Variants in FANCA observed in about 807,000 individuals in gnomAD.
The protein encoded by FANCA is FA complementation group A, also known as Fanconi anemia group A protein.
FANCA carries 236 observed loss-of-function variants against 194.3 expected under a neutral mutation model. That is an observed-to-expected ratio of 1.21 (90% CI 1.09 to 1.35). The LOEUF (loss-of-function observed/expected upper bound fraction) is 1.35. Among genes scored for constraint, FANCA ranks in the 40% most tolerant of loss-of-function variants. The pLI is 0.00. For synonymous variants in FANCA, 1,014 were observed against 715.8 expected, an observed-to-expected ratio of 1.42 and a Z score of -6.65; for missense variants, 2,628 against 1,813.9, an observed-to-expected ratio of 1.45 and a Z score of -8.15.
intron 28 of FANCA, among the ~76,000 whole-genome samples, chr16:89,763,933 A>AAAC (rs1382435627): frequency 1.2e-4 from 18 of 148,360 alleles, no homozygotes; most frequent in African/African-American, 3.3e-4. Flanking sequence ...AAAAAAAACA[A>AAAC]AACAACAACA....
chr16:89,788,142 G>T (rs982320677), intron 14 of FANCA, among the ~76,000 whole-genome samples: 2 of 152,132 alleles, frequency 1.3e-5, no homozygotes, highest in African/African-American at 4.8e-5. Flanking sequence ...CACAGTGCTG[G>T]TATTTGCCCT....
chr16:89,791,239 G>A, intron 14 of FANCA, 164 bp downstream of exon 14: 1 of 906,554 alleles, frequency 1.1e-6, no homozygotes, highest in Non-Finnish European at 1.7e-6. Flanking sequence ...GAGAACCCAG[G>A]CTCCTCGGCA....
At chr16:89,763,403 G>T (rs2039018099) in intron 28 of FANCA, among the ~76,000 whole-genome samples, 1 of 150,172 alleles carries the variant, frequency 6.7e-6, no homozygotes, top group African/African-American at 2.4e-5. Context: ...TGTTACCCAG[G>T]ATGGTCTCAA....
Position 89,805,388 on chromosome 16 carries a change from G to C in FANCA, c.601C>G (p.Pro201Ala), listed in dbSNP as rs144917960. 1 of 1,612,280 alleles carries C rather than the reference G, an allele frequency of 6.2e-7. No homozygotes were observed. Among genetic ancestry groups the C allele is most frequent in the African/African-American group, 1.3e-5 (1 of 74,888 alleles). The change falls in exon 7 of 43, where the codon CCC becomes GCC. Residue 201 changes from proline to alanine, a missense_variant. Physicochemically the swap from Pro to Ala is conservative, Grantham distance 27. Transcript: ENST00000389301. Reference sequence around the variant, plus strand: ...CACGATCCCACAGCATGCATGTCGGGATGGCTGGAGACACACACAGAGGCA... The same window carrying C: ...CACGATCCCACAGCATGCATGTCGGCATGGCTGGAGACACACACAGAGGCA... ...VSLQELLESH[P>A]DMHAVGSWLF...
chr16:89,742,801 T>C lies in FANCA; in HGVS notation c.3764A>G (p.Glu1255Gly), dbSNP rs373998809. The C allele has an allele frequency of 5.0e-6, 8 of 1,613,564 alleles. No homozygotes were observed. The highest frequency in any genetic ancestry group is 6.8e-6 in the Non-Finnish European group (8 of 1,179,718). The change falls in exon 37 of 43, where the codon GAG becomes GGG. Residue 1255 changes from glutamate (E) to glycine (G), a missense_variant and splice_region_variant. Coordinates refer to ENST00000389301, the MANE Select transcript of FANCA (RefSeq NM_000135.4). ...QLKKLDCERE[E>G]LLVFLFFFSL... Reference sequence around the variant, plus strand: ...CAGTAAAAGAATTTCCTATCTTGCCTCCTCTCTCTCGCAGTCCAGCTTCTT... The same window carrying C: ...CAGTAAAAGAATTTCCTATCTTGCCCCCTCTCTCTCGCAGTCCAGCTTCTT...
rs1401053307 is a variant in FANCA at position 89,784,884 on chromosome 16, G to C, written c.1440C>G (p.Leu480=). 1 of 1,614,108 alleles carries C rather than the reference G, an allele frequency of 6.2e-7. No homozygotes were observed. The highest frequency in any genetic ancestry group is 8.5e-7 in the Non-Finnish European group (1 of 1,179,970). Residue 480 remains leucine (L), a synonymous_variant, in exon 15 of 43, where the codon CTC becomes CTG. Coordinates refer to ENST00000389301, the MANE Select transcript of FANCA (RefSeq NM_000135.4). The part of the protein sequence containing the change: ...LVFLFTFLSE[L]VPFESPRYLQ... The stretch of plus-strand genomic sequence containing the variant: ...GGTACCGGGGAGACTCAAAAGGCAC[G>C]AGTTCTGACAAGAACGTAAACAGGA...
chr16:89,787,986 G>A (rs1453378822), intron 14 of FANCA, among the ~76,000 whole-genome samples: 1 of 151,746 alleles, frequency 6.6e-6, no homozygotes, highest in African/African-American at 2.4e-5. Flanking sequence ...GAATTCTCCT[G>A]CCTCGGCCTT....
intron 7 of FANCA, among the ~76,000 whole-genome samples, chr16:89,803,595 AG>A (rs759969605): frequency 7.9e-5 from 12 of 151,812 alleles, no homozygotes; most frequent in Non-Finnish European, 1.6e-4. Flanking sequence ...TCTATTTGAA[AG>A]GGAACAAGTT....
rs2039774579 is a variant in FANCA at position 89,783,033 on chromosome 16, C to A, written c.1540G>T (p.Ala514Ser). The A allele has an allele frequency of 2.5e-6, 4 of 1,613,940 alleles. No homozygotes were observed. The highest frequency in any genetic ancestry group is 1.3e-5 in the African/African-American group (1 of 74,902). Residue 514 changes from alanine (A) to serine (S), a missense_variant, in exon 16 of 43, where the codon GCC becomes TCC. Transcript: ENST00000389301. The part of the protein sequence containing the change: ...RSLLTDYISL[A>S]KTRLADLKVS... ...TTGAGGTCGGCCAGCCGTGTCTTGG[C>A]CAATGAGATGTAGTCTGTGAGGAGG...
Position 89,796,653 on chromosome 16 carries a change from C to T in FANCA, c.894-635G>A, listed in dbSNP as rs74033879. On this transcript the variant is annotated intron_variant, in intron 10 of 42. Transcript: ENST00000389301. ...AGCAGGCCTATACAGACCACCAAAC[C>T]AAACCCAGACCCTCTCGTGAGGCTT... Among the ~76,000 whole-genome samples, 832 of 152,332 alleles carry T rather than the reference C, an allele frequency of 5.5e-3. 5 individuals are homozygous for T. Among genetic ancestry groups the T allele is most frequent in the African/African-American group, 0.019 (802 of 41,580 alleles).
chr16:89,762,699 C>T (rs771123476), intron 28 of FANCA: 7 of 435,954 alleles, frequency 1.6e-5, no homozygotes, highest in Admixed American at 4.9e-5. Flanking sequence ...GTGGTGCAAT[C>T]GTAGCTCGCT....
At chr16:89,811,962 C>A (rs371350359) in intron 3 of FANCA, among the ~76,000 whole-genome samples, 1 of 150,882 alleles carries the variant, frequency 6.6e-6, no homozygotes, top group Non-Finnish European at 1.5e-5. Context: ...CAATTCCCAA[C>A]CTCATTAATC....
chr16:89,785,737 C>T (rs535379863), intron 14 of FANCA, among the ~76,000 whole-genome samples: 13 of 152,264 alleles, frequency 8.5e-5, no homozygotes, highest in African/African-American at 2.4e-4. Context: ...CCTAGCCCCA[C>T]TTGAGACCAC....
intron 8 of FANCA, among the ~76,000 whole-genome samples, chr16:89,800,353 C>CA (rs771239447): frequency 2.0e-5 from 3 of 152,210 alleles, no homozygotes; most frequent in Non-Finnish European, 4.4e-5. Flanking sequence ...TACCACTACT[C>CA]AGAGAGCAAC....
intron 20 of FANCA, among the ~76,000 whole-genome samples, chr16:89,777,358 G>T (rs984291831): frequency 5.9e-5 from 9 of 152,130 alleles, no homozygotes; most frequent in Non-Finnish European, 1.2e-4. Flanking sequence ...TTCCAGCCTG[G>T]GTGACAGAGT....
intron 21 of FANCA, 107 bp from the exon 22 acceptor site, chr16:89,773,491 G>A: frequency 1.2e-6 from 1 of 827,700 alleles, no homozygotes; most frequent in Non-Finnish European, 2.0e-6. Context: ...CTTCCAAGCT[G>A]CTGTGTGTGG....
chr16:89,814,157 G>A (rs938955278), intron 3 of FANCA, among the ~76,000 whole-genome samples: 2 of 152,144 alleles, frequency 1.3e-5, no homozygotes, highest in Non-Finnish European at 2.9e-5. Flanking sequence ...AAACTGGGGG[G>A]AGAAGGAGGT....
At chr16:89,777,627 A>G (rs2143411089) in intron 20 of FANCA, among the ~76,000 whole-genome samples, 1 of 152,082 alleles carries the variant, frequency 6.6e-6, no homozygotes, top group Admixed American at 6.5e-5. Context: ...CCAGAACTTT[A>G]TAAATTTTGC....
intron 37 of FANCA, among the ~76,000 whole-genome samples, chr16:89,741,868 T>G (rs1053133140): frequency 4.6e-5 from 7 of 152,170 alleles, no homozygotes; most frequent in Non-Finnish European, 1.0e-4. Flanking sequence ...GCTGACAGCA[T>G]TTACGCTGGG....
Sources: gnomAD v4.1 joint callset for allele counts (sites outside exome capture counted in the v4.1 genomes callset) on GRCh38, gnomAD v4.1.1 for gene constraint, MANE v1.5 for transcripts, NCBI Gene and HGNC (gene_info 2026-07-23, HGNC 2026-07-21) for gene names.